The following TTC33 variants were observed in gnomAD, a reference collection of about 807,000 sequenced individuals.
The protein encoded by TTC33 is tetratricopeptide repeat domain 33, also known as tetratricopeptide repeat protein 33.
Under a neutral mutation model 29.4 loss-of-function variants are expected in TTC33, and 24 were observed. The ratio of observed to expected loss-of-function variants is 0.82; its 90% CI spans 0.59 to 1.15. The LOEUF (loss-of-function observed/expected upper bound fraction) is 1.15, where lower values mean the gene tolerates loss of function less well. Ranked by LOEUF, TTC33 falls within the 50% of genes most tolerant of loss-of-function variation. TTC33 has a pLI of 0.00. For missense variants in TTC33, 286 were observed against 310.4 expected (o/e 0.92, Z 0.59); for synonymous variants, 107 against 100.3 (o/e 1.07, Z -0.40).
At chr5:40,754,370 A>C (rs1010413689) in intron 1 of TTC33, among the ~76,000 whole-genome samples, 1 of 152,238 alleles carries the variant, frequency 6.6e-6, no homozygotes, top group Non-Finnish European at 1.5e-5. Context: ...AAGTTCAGGG[A>C]TGGAGGGAAA....
At chr5:40,742,409 A>T (rs1214452678) in intron 2 of TTC33, among the ~76,000 whole-genome samples, 1 of 152,226 alleles carries the variant, frequency 6.6e-6, no homozygotes, top group African/African-American at 2.4e-5. Flanking sequence ...AATTCATGTC[A>T]CCATCACAAC....
At chr5:40,755,491 G>C (rs1480995437) in intron 1 of TTC33, among the ~76,000 whole-genome samples, 1 of 152,232 alleles carries the variant, frequency 6.6e-6, no homozygotes, top group Non-Finnish European at 1.5e-5. Context: ...CTCTCCAGCG[G>C]GGAGCGGCCG....
Position 40,751,124 on chromosome 5 carries a change from G to A in TTC33, c.-1-4105C>T, listed in dbSNP as rs372887619. ...TTCCAGAAAGTTTTCAATTGACTTTGTCCAAATGAATCAGAAGAATCACTA... is the reference window on the plus strand; with the variant it reads ...TTCCAGAAAGTTTTCAATTGACTTTATCCAAATGAATCAGAAGAATCACTA... On this transcript the variant is annotated intron_variant, in intron 1 of 4. Coordinates refer to ENST00000337702, the MANE Select transcript of TTC33 (RefSeq NM_012382.3). Among the ~76,000 whole-genome samples the A allele has an allele frequency of 2.8e-4, 43 of 152,268 alleles. No homozygotes were observed. In the South Asian group the frequency reaches 7.7e-3, roughly 27 times the overall value.
intron 2 of TTC33, among the ~76,000 whole-genome samples, chr5:40,736,632 C>T (rs1319064777): frequency 6.6e-6 from 1 of 152,012 alleles, no homozygotes; most frequent in African/African-American, 2.4e-5. Flanking sequence ...AGGAAATATA[C>T]CAAGAACATA....
chr5:40,730,039 A>G (rs926824818), intron 3 of TTC33, among the ~76,000 whole-genome samples: 9 of 152,220 alleles, frequency 5.9e-5, no homozygotes, highest in Admixed American at 5.9e-4. Flanking sequence ...CCTATCTTAC[A>G]ATAGTTAGGC....
At chr5:40,744,703 C>A (rs1004188099) in intron 2 of TTC33, among the ~76,000 whole-genome samples, 1 of 152,112 alleles carries the variant, frequency 6.6e-6, no homozygotes, top group Non-Finnish European at 1.5e-5. Context: ...CATATGTCTT[C>A]TAAAAATCAT....
chr5:40,731,299 C>T (rs2111899042), intron 2 of TTC33, among the ~76,000 whole-genome samples: 1 of 152,302 alleles, frequency 6.6e-6, no homozygotes, highest in East Asian at 1.9e-4. Context: ...CTGTGCTCCA[C>T]TCAGCAGGGT....
intron 2 of TTC33, among the ~76,000 whole-genome samples, chr5:40,738,013 G>A (rs976798400): frequency 6.6e-6 from 1 of 152,180 alleles, no homozygotes; most frequent in African/African-American, 2.4e-5. Flanking sequence ...AGCTGCTAGA[G>A]ACATTGTTGG....
intron 1 of TTC33, among the ~76,000 whole-genome samples, chr5:40,748,764 T>G (rs2111937573): frequency 6.6e-6 from 1 of 152,322 alleles, no homozygotes; most frequent in South Asian, 2.1e-4. Flanking sequence ...TGTTAAAATT[T>G]TCCATAATAA....
At chr5:40,745,217 C>CT (rs2111930155) in intron 2 of TTC33, among the ~76,000 whole-genome samples, 1 of 152,164 alleles carries the variant, frequency 6.6e-6, no homozygotes, top group Non-Finnish European at 1.5e-5. Context: ...CTGTAAAAGA[C>CT]ATTTGGGGGA....
chr5:40,752,978 C>T (rs1038279772), intron 1 of TTC33, among the ~76,000 whole-genome samples: 2 of 152,018 alleles, frequency 1.3e-5, no homozygotes, highest in African/African-American at 4.8e-5. Context: ...AAAGACCTAC[C>T]GTAATGGCAG....
In TTC33 at chr5:40,716,427, A is replaced by T. The variant is rs932745619; in HGVS notation, c.507T>A (p.Ser169=). The T allele has an allele frequency of 1.1e-5, 17 of 1,613,672 alleles. No homozygotes were observed. In the Admixed American group the frequency reaches 2.3e-4, roughly 22 times the overall value. The change falls in exon 5 of 5, where the codon TCT becomes TCA. Residue 169 remains serine (S), a synonymous_variant. Transcript: ENST00000337702. ...MNPEIWKEDL[S]WARTLQEQQK... Reference sequence around the variant, plus strand: ...GCTGCTCCTGGAGCGTTCTTGCCCAAGAGAGGTCTTCTTTCCATATTTCAG... The same window carrying T: ...GCTGCTCCTGGAGCGTTCTTGCCCATGAGAGGTCTTCTTTCCATATTTCAG...
At chr5:40,729,898 C>T (rs917869556) in intron 3 of TTC33, among the ~76,000 whole-genome samples, 1 of 152,142 alleles carries the variant, frequency 6.6e-6, no homozygotes, top group African/African-American at 2.4e-5. Context: ...AAGGTTTCAC[C>T]ATGTTGGTCA....
At chr5:40,723,507 CAAATTA>C (rs761608126) in intron 4 of TTC33, among the ~76,000 whole-genome samples, 1,090 of 98,074 alleles carry the variant, frequency 0.011, 8 homozygotes, top group African/African-American at 0.037. Context: ...AAAGCTAACT[CAAATTA>C]AAAAAAAAAA....
At chr5:40,729,091 AG>A (rs1011241083) in intron 3 of TTC33, among the ~76,000 whole-genome samples, 7 of 152,238 alleles carry the variant, frequency 4.6e-5, no homozygotes, top group Non-Finnish European at 8.8e-5. Flanking sequence ...ACACTTTAAA[AG>A]ATTTGTGATA....
intron 2 of TTC33, among the ~76,000 whole-genome samples, chr5:40,743,934 T>C (rs1742745712): frequency 6.6e-6 from 1 of 152,222 alleles, no homozygotes. Context: ...TGTTTCGACA[T>C]ACAGGCAGAA....
At chr5:40,739,470 G>T (rs191142387) in intron 2 of TTC33, among the ~76,000 whole-genome samples, 2 of 152,260 alleles carry the variant, frequency 1.3e-5, no homozygotes, top group African/African-American at 4.8e-5. Flanking sequence ...TCTGGTGGGA[G>T]GTGATTGGAT....
At chr5:40,753,396 G>GAA (rs1035886425) in intron 1 of TTC33, among the ~76,000 whole-genome samples, 2 of 151,580 alleles carry the variant, frequency 1.3e-5, no homozygotes, top group African/African-American at 4.8e-5. Context: ...AAGAAAGAAA[G>GAA]AAATATACAG....
intron 4 of TTC33, among the ~76,000 whole-genome samples, chr5:40,722,956 G>C (rs567206699): frequency 6.6e-6 from 1 of 152,332 alleles, no homozygotes; most frequent in Admixed American, 6.5e-5. Flanking sequence ...AGCTCATTGA[G>C]AGCGGGCCAT....
Sources: allele counts gnomAD v4.1 joint callset (sites outside exome capture counted in the v4.1 genomes callset), GRCh38; gene constraint gnomAD v4.1.1; transcripts MANE v1.5; gene names NCBI Gene and HGNC (gene_info 2026-07-23, HGNC 2026-07-21).